The following TULP4 variants were observed in gnomAD, a reference collection of about 807,000 sequenced individuals.
The protein encoded by TULP4 is tubby-related protein 4.
TULP4 carries 16 observed loss-of-function variants against 129.0 expected under a neutral mutation model. The ratio of observed to expected loss-of-function variants is 0.12; its 90% CI spans 0.08 to 0.19. TULP4 has a LOEUF of 0.19. Among genes scored for constraint, TULP4 ranks in the 10% least tolerant of loss-of-function variants. The probability of loss-of-function intolerance (pLI) is 1.00; values close to 1 mark genes in which losing one functional copy is unlikely to be tolerated. For synonymous variants in TULP4, 998 were observed against 854.0 expected, an observed-to-expected ratio of 1.17 and a Z score of -2.94; for missense variants, 1,842 against 2,059.1, an observed-to-expected ratio of 0.89 and a Z score of 2.04.
intron 1 of TULP4, among the ~76,000 whole-genome samples, chr6:158,283,147 A>C (rs1778786420): frequency 6.6e-6 from 1 of 151,792 alleles, no homozygotes; most frequent in Non-Finnish European, 1.5e-5. Flanking sequence ...TCAAAAAAAA[A>C]AAAACAAAAA....
At chr6:158,349,555 GATGGGTGGCC>G (rs1780440146) in intron 1 of TULP4, among the ~76,000 whole-genome samples, 1 of 123,370 alleles carries the variant, frequency 8.1e-6, no homozygotes, top group Non-Finnish European at 1.7e-5. Flanking sequence ...CATCCCAGAC[GATGGGTGGCC>G]GGGCAGAGGC....
At chr6:158,236,761 C>G (rs971323001) in intron 1 of TULP4, among the ~76,000 whole-genome samples, 1 of 139,548 alleles carries the variant, frequency 7.2e-6, no homozygotes, top group African/African-American at 2.7e-5. Context: ...AAGGATACAA[C>G]AGATACCAAG....
intron 1 of TULP4, chr6:158,242,406 T>C: frequency 1.4e-6 from 2 of 1,400,976 alleles, no homozygotes; most frequent in Non-Finnish European, 2.0e-6. Flanking sequence ...ATAAGCATCG[T>C]GGGAGTTTCG....
chr6:158,411,323 G>A (rs775796099), intron 1 of TULP4, among the ~76,000 whole-genome samples: 1 of 152,116 alleles, frequency 6.6e-6, no homozygotes, highest in Non-Finnish European at 1.5e-5. Flanking sequence ...AGACCTGTGG[G>A]GGGTGGGTGG....
intron 1 of TULP4, among the ~76,000 whole-genome samples, chr6:158,375,728 T>C (rs1777169643): frequency 1.3e-5 from 2 of 152,338 alleles, no homozygotes; most frequent in South Asian, 4.1e-4. Flanking sequence ...AAGTGCTTAT[T>C]AAACAGCTAC....
chr6:158,504,315 G>A, intron 13 of TULP4, 137 bp downstream of exon 13: 2 of 732,952 alleles, frequency 2.7e-6, no homozygotes, highest in African/African-American at 1.8e-5. Flanking sequence ...AGCTCATGGG[G>A]TTATGGTTTT....
intron 1 of TULP4, among the ~76,000 whole-genome samples, chr6:158,265,392 A>T (rs2128459252): frequency 6.6e-6 from 1 of 152,218 alleles, no homozygotes; most frequent in Non-Finnish European, 1.5e-5. Flanking sequence ...GTGGCTAAAG[A>T]GGAAGTTGGC....
intron 1 of TULP4, among the ~76,000 whole-genome samples, chr6:158,346,633 C>T (rs1014304503): frequency 1.3e-5 from 2 of 152,172 alleles, no homozygotes; most frequent in African/African-American, 4.8e-5. Context: ...TAACTTTATA[C>T]TTGGGTTTCT....
chr6:158,391,764 T>TG (rs1227981285), intron 1 of TULP4, among the ~76,000 whole-genome samples: 3 of 152,192 alleles, frequency 2.0e-5, no homozygotes, highest in Non-Finnish European at 4.4e-5. Context: ...GATATGGCTG[T>TG]TATATCTTAC....
intron 1 of TULP4, among the ~76,000 whole-genome samples, chr6:158,405,544 A>G (rs1224175837): frequency 6.6e-6 from 1 of 152,174 alleles, no homozygotes; most frequent in Non-Finnish European, 1.5e-5. Context: ...GCTACTTGAG[A>G]TAATGGAGAG....
chr6:158,422,002 A>G lies in TULP4; in HGVS notation c.382-7734A>G, dbSNP rs536679668. Among the ~76,000 whole-genome samples the G allele has an allele frequency of 3.7e-4, 56 of 151,710 alleles. 2 individuals carry two copies. In the South Asian group the frequency reaches 5.6e-3, roughly 15 times the overall value. On this transcript the variant is annotated intron_variant, in intron 2 of 13. Coordinates refer to ENST00000367097, the MANE Select transcript of TULP4 (RefSeq NM_020245.5). Reference sequence around the variant, plus strand: ...AAGTGGTGCTGTGAGAGAAATGTATATCCTTAATTACTTATATTAGCAATA... The same window carrying G: ...AAGTGGTGCTGTGAGAGAAATGTATGTCCTTAATTACTTATATTAGCAATA...
At chr6:158,384,041 A>G (rs1489317488) in intron 1 of TULP4, among the ~76,000 whole-genome samples, 1 of 152,182 alleles carries the variant, frequency 6.6e-6, no homozygotes, top group Non-Finnish European at 1.5e-5. Flanking sequence ...TCTATCTGTG[A>G]CTGCCCAGTC....
In TULP4 at chr6:158,480,999, C is replaced by T. The variant is rs1562584449; in HGVS notation, c.1252-56C>T. 5 of 1,461,312 alleles carry T rather than the reference C, an allele frequency of 3.4e-6. No homozygotes were observed. The East Asian group carries it at 9.1e-5, about 27-fold the overall frequency. 90.5% of individuals were successfully genotyped at this position (1,461,312 alleles called of 1,614,324 possible). A position where few individuals can be genotyped will look rare whatever the true frequency, so the allele number is the denominator to read the frequency against. ...CTGCCCCCGTGCCCACTCTCTTTCC[C>T]TCTCTCTCTGCCTCTCTGGAGTCCC... is the stretch of plus-strand genomic sequence containing the variant. On this transcript the variant is annotated intron_variant, in intron 7 of 13. Coordinates refer to ENST00000367097, the MANE Select transcript of TULP4 (RefSeq NM_020245.5).
At chr6:158,240,758 A>C (rs1280954526) in intron 1 of TULP4, among the ~76,000 whole-genome samples, 14 of 96,998 alleles carry the variant, frequency 1.4e-4, no homozygotes, top group East Asian at 4.3e-4. Flanking sequence ...TGACCCCCCC[A>C]CCTCCCTCCC....
At chr6:158,381,304 TAGA>T (rs1472215453) in intron 1 of TULP4, among the ~76,000 whole-genome samples, 1 of 152,128 alleles carries the variant, frequency 6.6e-6, no homozygotes, top group Non-Finnish European at 1.5e-5. Context: ...TTTTGGATTT[TAGA>T]AGGTGTATGC....
chr6:158,387,698 TC>T (rs1272604774), intron 1 of TULP4, among the ~76,000 whole-genome samples: 39 of 152,330 alleles, frequency 2.6e-4, no homozygotes, highest in Non-Finnish European at 4.7e-4. Context: ...CATTGTGGCT[TC>T]TTTTTTTTCT....
At chr6:158,308,982 G>A (rs1468355630), upstream of TULP4, among the ~76,000 whole-genome samples, 1 of 145,602 alleles carries the variant, frequency 6.9e-6, no homozygotes. Flanking sequence ...CGGGCAGGGG[G>A]CTGACCCCCC....
chr6:158,483,449 C>T (rs1189093026), intron 8 of TULP4, among the ~76,000 whole-genome samples: 1 of 152,182 alleles, frequency 6.6e-6, no homozygotes, highest in African/African-American at 2.4e-5. Context: ...CCTCCCACCT[C>T]AGCCTCCTGG....
chr6:158,236,790 C>CTGTTCTTTT (rs1777711071), intron 1 of TULP4, among the ~76,000 whole-genome samples: 1 of 33,116 alleles, frequency 3.0e-5, no homozygotes, highest in Admixed American at 4.2e-4. Context: ...ATGCCCAATT[C>CTGTTCTTTT]TTTTCTTTTT....
Sources: allele counts gnomAD v4.1 joint callset (sites outside exome capture counted in the v4.1 genomes callset), GRCh38; gene constraint gnomAD v4.1.1; transcripts MANE v1.5; gene names NCBI Gene and HGNC (gene_info 2026-07-23, HGNC 2026-07-21).